Variants in ALPK1 observed in about 807,000 individuals in gnomAD.
ALPK1 encodes the protein alpha kinase 1, also known as alpha-protein kinase 1.
A neutral mutation model predicts 120.6 loss-of-function variants in ALPK1; 110 were observed. The observed-to-expected ratio is 0.91, with a 90% CI of 0.78 to 1.07. The LOEUF (loss-of-function observed/expected upper bound fraction) is 1.07, where lower values mean the gene tolerates loss of function less well. Among genes scored for constraint, ALPK1 ranks in the 50% least tolerant of loss-of-function variants. The probability of loss-of-function intolerance (pLI) is 0.00; values close to 1 mark genes in which losing one functional copy is unlikely to be tolerated. For synonymous variants in ALPK1, 582 were observed against 560.3 expected (o/e 1.04, Z -0.55); for missense variants, 1,498 against 1,483.9 (o/e 1.01, Z -0.16).
At chr4:112,420,917 A>G (rs1733965039) in intron 5 of ALPK1, among the ~76,000 whole-genome samples, 1 of 152,074 alleles carries the variant, frequency 6.6e-6, no homozygotes, top group Non-Finnish European at 1.5e-5. Context: ...ACTGCAACCT[A>G]CAACTCCTGG....
chr4:112,358,648 C>T, intron 2 of ALPK1: 1 of 708,682 alleles, frequency 1.4e-6, no homozygotes, highest in Non-Finnish European at 2.5e-6. Flanking sequence ...GAGGAGCAGG[C>T]CCACAGGTGC....
chr4:112,390,837 A>G (rs538551363), intron 4 of ALPK1, among the ~76,000 whole-genome samples: 36 of 152,336 alleles, frequency 2.4e-4, no homozygotes, highest in Middle Eastern at 6.8e-3. Flanking sequence ...AATCACCTGA[A>G]GAAGATAATG....
chr4:112,427,603 A>G lies in ALPK1; in HGVS notation c.733A>G (p.Ile245Val), dbSNP rs201720771. The G allele has an allele frequency of 1.3e-4, 208 of 1,613,984 alleles. No homozygotes were observed. The highest frequency in any genetic ancestry group is 1.5e-4 in the Non-Finnish European group (172 of 1,179,994). ...LSTSLGILADIFVSMSKNDYE... is the reference protein window; with the variant it reads ...LSTSLGILADVFVSMSKNDYE... ...CACGTCGCTAGGTATACTGGCAGACATCTTTGTTTCCATGAGCAAGAACGA... is the reference window on the plus strand; with the variant it reads ...CACGTCGCTAGGTATACTGGCAGACGTCTTTGTTTCCATGAGCAAGAACGA... The change falls in exon 9 of 16, where the codon ATC (isoleucine) becomes GTC (valine). Residue 245 changes from isoleucine (I) to valine (V), a missense_variant. Ile to Val is a conservative substitution (Grantham distance 29). Transcript: ENST00000650871.
intron 1 of ALPK1, among the ~76,000 whole-genome samples, chr4:112,314,581 T>G (rs1315107371): frequency 1.3e-5 from 2 of 152,156 alleles, no homozygotes; most frequent in Non-Finnish European, 2.9e-5. Context: ...ACATGATTAT[T>G]GAAATATCGA....
chr4:112,390,364 C>A (rs538214050), intron 4 of ALPK1, among the ~76,000 whole-genome samples: 1 of 152,334 alleles, frequency 6.6e-6, no homozygotes, highest in African/African-American at 2.4e-5. Flanking sequence ...ATCTCTGGGA[C>A]TAAATCAAAC....
intron 1 of ALPK1, among the ~76,000 whole-genome samples, chr4:112,315,066 GA>G (rs1157022383): frequency 9.2e-5 from 14 of 151,866 alleles, no homozygotes; most frequent in Admixed American, 8.5e-4. Flanking sequence ...TTTTAGTAGA[GA>G]CAGGGTTTCA....
Position 112,431,243 on chromosome 4 carries a change from G to A in ALPK1, c.1696G>A (p.Glu566Lys). ...TGAGCCATCGGACTACAGCAATGGT[G>A]AGGGAGCTGTTTTCAACAAGTCTCT... ...ETEPSDYSNG[E>K]GAVFNKSLSG... Residue 566 changes from glutamate to lysine, a missense_variant, in exon 11 of 16, where the codon GAG (glutamate) becomes AAG (lysine). Coordinates refer to ENST00000650871, the MANE Select transcript of ALPK1 (RefSeq NM_025144.4). The A allele has an allele frequency of 6.2e-7, 1 of 1,614,180 alleles. No homozygotes were observed. The highest frequency in any genetic ancestry group is 8.5e-7 in the Non-Finnish European group (1 of 1,180,030).
intron 10 of ALPK1, 27 bp downstream of exon 10, chr4:112,429,280 C>G: frequency 6.4e-7 from 1 of 1,566,240 alleles, no homozygotes; most frequent in Non-Finnish European, 8.7e-7. Context: ...GCTCCTCAAA[C>G]CCCCACAGGA....
chr4:112,324,976 G>GC (rs890287208), intron 2 of ALPK1, among the ~76,000 whole-genome samples: 32 of 37,650 alleles, frequency 8.5e-4, no homozygotes, highest in African/African-American at 3.0e-3. Context: ...CAAAAAAAAG[G>GC]GGGGGGGGGG....
chr4:112,430,029 G>A (rs1399093416), intron 10 of ALPK1, among the ~76,000 whole-genome samples: 1 of 152,114 alleles, frequency 6.6e-6, no homozygotes, highest in African/African-American at 2.4e-5. Context: ...GGAAACCAAT[G>A]CCCTATTGTT....
Position 112,431,445 on chromosome 4 carries a change from G to A in ALPK1, c.1898G>A (p.Arg633Lys), listed in dbSNP as rs1734546114. The change falls in exon 11 of 16, where the codon AGG (arginine) becomes AAG (lysine). Residue 633 changes from arginine to lysine, a missense_variant. Physicochemically the swap from Arg to Lys is conservative, Grantham distance 26. Coordinates refer to ENST00000650871, the MANE Select transcript of ALPK1 (RefSeq NM_025144.4). ...TALSEELEND[R>K]EGRAMHSLHS... ...TTGTCTGAGGAGCTAGAGAATGACA[G>A]GGAAGGCAGAGCTATGCATTCATTG... 6.2e-7 allele frequency: 1 copy of A among 1,614,206 alleles called. No homozygotes were observed. Among genetic ancestry groups the A allele is most frequent in the African/African-American group, 1.3e-5 (1 of 75,066 alleles).
In ALPK1 at chr4:112,312,947, C is replaced by T. The variant is rs377635177; in HGVS notation, c.-152-2854C>T. On this transcript the variant is annotated intron_variant, in intron 1 of 15. Transcript: ENST00000650871. ...TTCCTTCCACAAGGCATGGCCCTTCCGGTAACCCCAACTGCTCCTATTCAG... is the reference window on the plus strand; with the variant it reads ...TTCCTTCCACAAGGCATGGCCCTTCTGGTAACCCCAACTGCTCCTATTCAG... 8.5e-5 allele frequency among the ~76,000 whole-genome samples: 13 copies of T among 152,204 alleles called. No individual in the cohort carries two copies. In the East Asian group the frequency reaches 1.7e-3, roughly 20 times the overall value.
At chr4:112,321,496 T>C (rs1405548185) in intron 2 of ALPK1, among the ~76,000 whole-genome samples, 2 of 152,224 alleles carry the variant, frequency 1.3e-5, no homozygotes, top group Non-Finnish European at 2.9e-5. Flanking sequence ...CTATGAACTT[T>C]CCTCTTATCA....
chr4:112,339,134 G>A (rs1264681534), intron 2 of ALPK1, among the ~76,000 whole-genome samples: 6 of 152,166 alleles, frequency 3.9e-5, no homozygotes, highest in South Asian at 2.1e-4. Context: ...TAAAGAAGAT[G>A]GACCAAATAA....
intron 2 of ALPK1, chr4:112,358,029 A>G (rs1392132738): frequency 1.3e-5 from 8 of 615,626 alleles, no homozygotes; most frequent in Non-Finnish European, 6.1e-6. Context: ...TCAGACACTA[A>G]TGGCAGTAGT....
In ALPK1 at chr4:112,432,066, C is replaced by T; in HGVS notation, c.2519C>T (p.Ala840Val). 2 of 1,614,090 alleles carry T rather than the reference C, an allele frequency of 1.2e-6. No homozygotes were observed. Among genetic ancestry groups the T allele is most frequent in the South Asian group, 2.2e-5 (2 of 91,068 alleles). Reference protein sequence around the residue: ...PDSRKSGGPVAEQGIDPDAST... With the variant: ...PDSRKSGGPVVEQGIDPDAST... ...TCCAGAAAAAGTGGTGGCCCAGTCG[C>T]AGAGCAGGGCATCGACCCTGATGCC... Residue 840 changes from alanine to valine, a missense_variant, in exon 11 of 16, where the codon GCA (alanine) becomes GTA (valine). By Grantham distance (64) the Ala-to-Val change is moderately conservative. Coordinates refer to ENST00000650871, the MANE Select transcript of ALPK1 (RefSeq NM_025144.4).
At chr4:112,436,531 G>GAT (rs1272428475) in intron 12 of ALPK1, among the ~76,000 whole-genome samples, 1 of 152,186 alleles carries the variant, frequency 6.6e-6, no homozygotes, top group Non-Finnish European at 1.5e-5. Flanking sequence ...GTGGGCCCCT[G>GAT]ATCCAATATG....
In ALPK1 at chr4:112,339,974, G is replaced by A. The variant is rs376828126; in HGVS notation, c.-101+24122G>A. Among the ~76,000 whole-genome samples, 19 of 152,164 alleles carry A rather than the reference G, an allele frequency of 1.2e-4. No homozygotes were observed. The South Asian group carries it at 1.9e-3, about 15-fold the overall frequency. ...GAAAAAGTGAAATCAGCATAATATC[G>A]TCTCTTCAAGTGCAGTCCAGCTTTC... On this transcript the variant is annotated intron_variant, in intron 2 of 15. Transcript: ENST00000650871.
At chr4:112,406,602 C>G (rs1478190070) in intron 4 of ALPK1, among the ~76,000 whole-genome samples, 1 of 152,122 alleles carries the variant, frequency 6.6e-6, no homozygotes, top group African/African-American at 2.4e-5. Context: ...ACCACTAAAC[C>G]AAGTCATAGA....
Sources: allele counts gnomAD v4.1 joint callset (sites outside exome capture counted in the v4.1 genomes callset), GRCh38; gene constraint gnomAD v4.1.1; transcripts MANE v1.5; gene names NCBI Gene and HGNC (gene_info 2026-07-23, HGNC 2026-07-21).